C2orf76: variants seen among roughly 807,000 people sequenced by gnomAD.
C2orf76 encodes UPF0538 protein C2orf76.
Under a neutral mutation model 16.9 loss-of-function variants are expected in C2orf76, and 23 were observed. The ratio of observed to expected loss-of-function variants is 1.36; its 90% confidence interval spans 0.98 to 1.93. The LOEUF (loss-of-function observed/expected upper bound fraction) is 1.93, where lower values mean the gene tolerates loss of function less well. Ranked by LOEUF, C2orf76 falls within the 30% of genes most tolerant of loss-of-function variation. The probability of loss-of-function intolerance (pLI) is 0.00; values close to 1 mark genes in which losing one functional copy is unlikely to be tolerated. For synonymous variants in C2orf76, 48 were observed against 52.3 expected, an observed-to-expected ratio of 0.92 and a Z score of 0.35; for missense variants, 152 against 152.6, an observed-to-expected ratio of 1.00 and a Z score of 0.02.
At chr2:119,319,256 A>G (rs1679272173) in intron 3 of C2orf76, among the ~76,000 whole-genome samples, 1 of 152,194 alleles carries the variant, frequency 6.6e-6, no homozygotes, top group African/African-American at 2.4e-5. Flanking sequence ...ATATTTTAGC[A>G]GAAAAAGAAA....
At chr2:119,357,524 A>G (rs1183556828) in intron 1 of C2orf76, among the ~76,000 whole-genome samples, 1 of 151,948 alleles carries the variant, frequency 6.6e-6, no homozygotes, top group African/African-American at 2.4e-5. Context: ...TCCACTGACA[A>G]TAAGGACTCT....
intron 1 of C2orf76, among the ~76,000 whole-genome samples, chr2:119,351,812 G>C (rs1680416384): frequency 6.6e-6 from 1 of 151,970 alleles, no homozygotes; most frequent in East Asian, 1.9e-4. Context: ...GGAATGTATT[G>C]AGTGACTCAA....
At chr2:119,337,495 C>A (rs1358358969) in intron 2 of C2orf76, among the ~76,000 whole-genome samples, 1 of 152,096 alleles carries the variant, frequency 6.6e-6, no homozygotes, top group Non-Finnish European at 1.5e-5. Flanking sequence ...GTACCTGATA[C>A]AGAGTAATGT....
chr2:119,316,666 T>C (rs888383528), intron 4 of C2orf76, among the ~76,000 whole-genome samples: 1 of 152,280 alleles, frequency 6.6e-6, no homozygotes, highest in African/African-American at 2.4e-5. Flanking sequence ...AAATACTTCA[T>C]TCAAAAATTG....
At chr2:119,336,873 G>C (rs1371983160) in intron 2 of C2orf76, among the ~76,000 whole-genome samples, 4 of 151,920 alleles carry the variant, frequency 2.6e-5, no homozygotes, top group African/African-American at 9.7e-5. Flanking sequence ...CTTTTGACAC[G>C]GAGTCCATCC....
rs191008783 is a variant in C2orf76 at position 119,303,779 on chromosome 2, C to A, written c.305-1231G>T. Among the ~76,000 whole-genome samples the A allele has an allele frequency of 1.7e-3, 259 of 152,282 alleles. 1 individual carries two copies. Among genetic ancestry groups the A allele is most frequent in the African/African-American group, 6.1e-3 (252 of 41,566 alleles). ...CAAGTGTCAAAAGAAGAAAATAAAG[C>A]CACCCATAGTCACAGATCCTCATTC... On this transcript the variant is annotated intron_variant, in intron 5 of 5. Coordinates refer to ENST00000334816, the MANE Select transcript of C2orf76 (RefSeq NM_001322331.2).
At chr2:119,333,951 C>T (rs1220630901) in intron 2 of C2orf76, among the ~76,000 whole-genome samples, 4 of 152,076 alleles carry the variant, frequency 2.6e-5, no homozygotes, top group Non-Finnish European at 4.4e-5. Context: ...GCATGTTTCT[C>T]TGTTCTTTTT....
intron 2 of C2orf76, among the ~76,000 whole-genome samples, chr2:119,335,886 C>T (rs1679829707): frequency 6.6e-6 from 1 of 152,078 alleles, no homozygotes; most frequent in Non-Finnish European, 1.5e-5. Flanking sequence ...GACAGAGCTT[C>T]CACAGTGTTC....
intron 1 of C2orf76, 154 bp from the exon 2 acceptor site, chr2:119,340,125 G>C (rs933557201): frequency 2.6e-6 from 2 of 760,904 alleles, no homozygotes; most frequent in Non-Finnish European, 4.1e-6. Context: ...CCAGGTTCCA[G>C]AGTCCCCAGA....
intron 2 of C2orf76, among the ~76,000 whole-genome samples, chr2:119,323,178 A>C (rs914529341): frequency 2.8e-5 from 4 of 144,382 alleles, no homozygotes; most frequent in Non-Finnish European, 4.5e-5. Flanking sequence ...CACCATGCCC[A>C]TAGTCCCGGC....
At chr2:119,300,355 G>A (rs1678598217), downstream of C2orf76, among the ~76,000 whole-genome samples, 1 of 152,130 alleles carries the variant, frequency 6.6e-6, no homozygotes, top group Admixed American at 6.6e-5. Flanking sequence ...ATGTCTTCTA[G>A]TCTTTCTGCC....
At chr2:119,317,315 A>G in intron 4 of C2orf76, 151 bp downstream of exon 4, 1 of 461,522 alleles carries the variant, frequency 2.2e-6, no homozygotes, top group Non-Finnish European at 3.6e-6. Flanking sequence ...TTCAATGAAA[A>G]AGCTAAGGCA....
the C2orf76 span, among the ~76,000 whole-genome samples, chr2:119,284,798 A>T: frequency 6.6e-6 from 1 of 152,122 alleles, no homozygotes; most frequent in African/African-American, 2.4e-5. Flanking sequence ...TGTCAACAGA[A>T]TCTTATGGTT....
chr2:119,289,680 G>T, the C2orf76 span, among the ~76,000 whole-genome samples: 1 of 143,888 alleles, frequency 6.9e-6, no homozygotes, highest in Non-Finnish European at 1.5e-5. Context: ...GTGAGACTCC[G>T]TCTCAAGAAA....
At chr2:119,299,701 T>C (rs961388979), downstream of C2orf76, among the ~76,000 whole-genome samples, 2 of 152,224 alleles carry the variant, frequency 1.3e-5, no homozygotes, top group Admixed American at 1.3e-4. Flanking sequence ...TATATGTACC[T>C]TTTATAAGAA....
chr2:119,321,889 T>C (rs79576948), intron 2 of C2orf76, among the ~76,000 whole-genome samples: 6,648 of 151,970 alleles, frequency 0.044, 214 homozygotes, highest in East Asian at 0.13. Context: ...TTGTTTAGCA[T>C]ATGAATCTGA....
chr2:119,309,377 CTTTTCTTTTTTTCTCTTTTTCTTT>C (rs1678903942), intron 5 of C2orf76, among the ~76,000 whole-genome samples: 1 of 132,416 alleles, frequency 7.6e-6, no homozygotes, highest in African/African-American at 2.8e-5. Context: ...AGGCTAGTAA[CTTTTCTTTTTTTCTCTTTTTCTTT>C]TTTTTTTTTT....
intron 2 of C2orf76, among the ~76,000 whole-genome samples, chr2:119,335,053 G>A (rs1308981719): frequency 6.6e-6 from 1 of 152,180 alleles, no homozygotes; most frequent in African/African-American, 2.4e-5. Flanking sequence ...GCAAGGAGAG[G>A]AAGCTAGAAT....
At chr2:119,347,193 T>C (rs952462020) in intron 1 of C2orf76, among the ~76,000 whole-genome samples, 1 of 152,172 alleles carries the variant, frequency 6.6e-6, no homozygotes, top group African/African-American at 2.4e-5. Context: ...TTATCAGCTA[T>C]GACAGGGTAT....
Sources: gnomAD v4.1 joint callset for allele counts (sites outside exome capture counted in the v4.1 genomes callset) on GRCh38, gnomAD v4.1.1 for gene constraint, MANE v1.5 for transcripts, NCBI Gene and HGNC (gene_info 2026-07-23, HGNC 2026-07-21) for gene names.